LINGO2: variants seen among roughly 807,000 people sequenced by gnomAD.
LINGO2 encodes leucine-rich repeat and immunoglobulin-like domain-containing nogo receptor-interacting protein 2.
LINGO2 carries 14 observed loss-of-function variants against 30.6 expected under a neutral mutation model. The observed-to-expected ratio is 0.46, with a 90% CI of 0.30 to 0.72. LINGO2 has a LOEUF of 0.72. Ranked by LOEUF, LINGO2 falls within the 30% of genes least tolerant of loss-of-function variation. LINGO2 has a pLI of 0.07. For missense variants in LINGO2, 729 were observed against 751.7 expected, an observed-to-expected ratio of 0.97 and a Z score of 0.35; for synonymous variants, 317 against 288.5, an observed-to-expected ratio of 1.10 and a Z score of -1.00.
chr9:28,408,533 C>T (rs922907923), intron 2 of LINGO2, among the ~76,000 whole-genome samples: 9 of 150,886 alleles, frequency 6.0e-5, no homozygotes, highest in Non-Finnish European at 1.0e-4. Context: ...AAAAACCAAA[C>T]ACTGCATGTT....
the LINGO2 span, among the ~76,000 whole-genome samples, chr9:29,137,283 G>C: frequency 6.6e-6 from 1 of 152,000 alleles, no homozygotes; most frequent in Non-Finnish European, 1.5e-5. Flanking sequence ...TTGCAGGATA[G>C]GTTAACTAAG....
At chr9:28,045,095 A>G (rs1185117205) in intron 4 of LINGO2, among the ~76,000 whole-genome samples, 1 of 151,926 alleles carries the variant, frequency 6.6e-6, no homozygotes, top group East Asian at 1.9e-4. Context: ...AAGAGGAAAA[A>G]ATTGAGACTT....
At chr9:28,302,637 C>CTCCA (rs1313291951) in intron 3 of LINGO2, among the ~76,000 whole-genome samples, 12 of 152,142 alleles carry the variant, frequency 7.9e-5, no homozygotes, top group Non-Finnish European at 1.5e-4. Flanking sequence ...CACCACTGTA[C>CTCCA]TCCAACCTGG....
chr9:28,119,774 T>C (rs1194125095), intron 4 of LINGO2, among the ~76,000 whole-genome samples: 3 of 152,182 alleles, frequency 2.0e-5, no homozygotes. Context: ...TATCAATCTG[T>C]CTCTAGTAAA....
the LINGO2 span, among the ~76,000 whole-genome samples, chr9:29,058,264 A>G: frequency 6.6e-6 from 1 of 152,250 alleles, no homozygotes; most frequent in African/African-American, 2.4e-5. Flanking sequence ...AAAAATGTAA[A>G]AAATTGAATG....
intron 4 of LINGO2, among the ~76,000 whole-genome samples, chr9:28,087,230 A>T (rs1275099784): frequency 6.6e-6 from 1 of 152,108 alleles, no homozygotes; most frequent in Non-Finnish European, 1.5e-5. Context: ...AACTGAGCCC[A>T]GACTAGATTG....
chr9:28,759,297 C>T, the LINGO2 span, among the ~76,000 whole-genome samples: 5 of 151,950 alleles, frequency 3.3e-5, no homozygotes, highest in African/African-American at 1.2e-4. Flanking sequence ...AAAAGCTGTA[C>T]CATGTCATTG....
At chr9:28,667,034 GATC>G (rs1457313449) in intron 1 of LINGO2, among the ~76,000 whole-genome samples, 2 of 152,020 alleles carry the variant, frequency 1.3e-5, no homozygotes, top group African/African-American at 2.4e-5. Context: ...CCACATAAAA[GATC>G]ATCAACGACT....
chr9:29,180,700 A>G, the LINGO2 span, among the ~76,000 whole-genome samples: 4 of 152,204 alleles, frequency 2.6e-5, no homozygotes, highest in Admixed American at 2.6e-4. Context: ...ATTATAAAGA[A>G]GTTTGGAAAT....
intron 1 of LINGO2, among the ~76,000 whole-genome samples, chr9:28,624,200 C>A (rs894398849): frequency 2.0e-5 from 3 of 151,994 alleles, no homozygotes; most frequent in Admixed American, 6.6e-5. Flanking sequence ...GCTAGGAATT[C>A]TAGTATTATG....
chr9:28,802,021 T>G, the LINGO2 span, among the ~76,000 whole-genome samples: 5 of 151,934 alleles, frequency 3.3e-5, no homozygotes, highest in South Asian at 1.0e-3. Context: ...ACATTTATAT[T>G]ATAACAAAAG....
intron 4 of LINGO2, among the ~76,000 whole-genome samples, chr9:28,063,543 C>T (rs902894761): frequency 6.6e-6 from 1 of 151,892 alleles, no homozygotes; most frequent in African/African-American, 2.4e-5. Context: ...GAACTCTTAT[C>T]CCCATTTTAA....
the LINGO2 span, among the ~76,000 whole-genome samples, chr9:28,895,331 G>A: frequency 6.6e-6 from 1 of 152,246 alleles, no homozygotes; most frequent in Non-Finnish European, 1.5e-5. Flanking sequence ...ATTATCAAGA[G>A]AGCGTTGTCA....
At chr9:28,004,450 A>G (rs1313587555) in intron 5 of LINGO2, among the ~76,000 whole-genome samples, 1 of 152,180 alleles carries the variant, frequency 6.6e-6, no homozygotes, top group Non-Finnish European at 1.5e-5. Context: ...CTTAGTTTCA[A>G]AATAATCAAT....
intron 5 of LINGO2, among the ~76,000 whole-genome samples, chr9:28,009,463 A>G (rs1822444199): frequency 6.6e-6 from 1 of 152,112 alleles, no homozygotes; most frequent in Admixed American, 6.5e-5. Flanking sequence ...AACATTTGTA[A>G]ATTATAAATA....
At chr9:28,532,722 C>A (rs577387241) in intron 1 of LINGO2, among the ~76,000 whole-genome samples, 3 of 151,992 alleles carry the variant, frequency 2.0e-5, no homozygotes, top group Non-Finnish European at 4.4e-5. Flanking sequence ...CAGCCCAGCC[C>A]GCGTTGAAAG....
chr9:28,100,792 C>A (rs891264537), intron 4 of LINGO2, among the ~76,000 whole-genome samples: 12 of 152,146 alleles, frequency 7.9e-5, no homozygotes, highest in Non-Finnish European at 5.9e-5. Flanking sequence ...CCCACAAAAT[C>A]CTTCAATGTC....
At chr9:28,631,102 C>T (rs1826916303) in intron 1 of LINGO2, among the ~76,000 whole-genome samples, 1 of 151,866 alleles carries the variant, frequency 6.6e-6, no homozygotes, top group Non-Finnish European at 1.5e-5. Flanking sequence ...AATACCAGTA[C>T]TCCAAGGATC....
At chr9:29,011,411 T>TTTTCTCCC in the LINGO2 span, among the ~76,000 whole-genome samples, 6 of 151,948 alleles carry the variant, frequency 3.9e-5, no homozygotes, top group Non-Finnish European at 7.4e-5. Context: ...TACTTTCTCC[T>TTTTCTCCC]TTTTTATCAG....
Sources: allele counts gnomAD v4.1 joint callset (sites outside exome capture counted in the v4.1 genomes callset), GRCh38; gene constraint gnomAD v4.1.1; transcripts MANE v1.5; gene names NCBI Gene and HGNC (gene_info 2026-07-23, HGNC 2026-07-21).